The following LRRK1 variants were observed in gnomAD, a reference collection of about 807,000 sequenced individuals.
LRRK1 encodes leucine-rich repeat serine/threonine-protein kinase 1.
A neutral mutation model predicts 209.1 loss-of-function variants in LRRK1; 113 were observed. That is an observed-to-expected ratio of 0.54 (90% confidence interval 0.46 to 0.63). The LOEUF is 0.63. LRRK1 is among the 30% of genes least tolerant of loss of function. The pLI is 0.00. For synonymous variants in LRRK1, 1,144 were observed against 1,099.7 expected, an observed-to-expected ratio of 1.04 and a Z score of -0.80; for missense variants, 2,284 against 2,632.2, an observed-to-expected ratio of 0.87 and a Z score of 2.89.
chr15:100,924,865 A>G (rs2042082021), intron 2 of LRRK1, 136 bp downstream of exon 2: 9 of 603,772 alleles, frequency 1.5e-5, no homozygotes, highest in African/African-American at 9.3e-5. Flanking sequence ...CTCTTTCATC[A>G]TATAATATAT....
intron 2 of LRRK1, among the ~76,000 whole-genome samples, chr15:100,972,432 G>T (rs2030981178): frequency 2.7e-5 from 4 of 150,194 alleles, no homozygotes; most frequent in Admixed American, 2.7e-4. Context: ...TAAAGAGAAG[G>T]TTGGCAGTTT....
Position 101,022,732 on chromosome 15 carries a change from T to A in LRRK1, c.2067+135T>A. ...CTCAGGCCCTTTGCAGGAGCCACTG[T>A]GTACCATTCCATACCAGCTTCTGCC... On this transcript the variant is annotated intron_variant, in intron 15 of 33. Transcript: ENST00000388948. This position sits in a 1 kb window ranked among gnomAD's most constrained non-coding sequence, Gnocchi z 4.0. 3.3e-6 allele frequency: 2 copies of A among 609,834 alleles called. No homozygotes were observed. 37.8% of individuals were successfully genotyped at this position (609,834 alleles called of 1,614,324 possible).
chr15:100,941,073 C>T (rs1046937056), intron 2 of LRRK1, among the ~76,000 whole-genome samples: 4 of 152,160 alleles, frequency 2.6e-5, no homozygotes, highest in Admixed American at 2.0e-4. Context: ...TGAGCCTGTG[C>T]CCTTGGCTAC....
intron 29 of LRRK1, 81 bp from the exon 30 acceptor site, chr15:101,061,090 C>T (rs536363920): frequency 1.1e-4 from 116 of 1,054,556 alleles, no homozygotes; most frequent in Non-Finnish European, 1.4e-4. Flanking sequence ...AGACGAGGCT[C>T]GCAGCTGGCA....
intron 16 of LRRK1, 128 bp from the exon 17 acceptor site, chr15:101,025,837 G>C: frequency 1.1e-6 from 1 of 906,010 alleles, no homozygotes; most frequent in Non-Finnish European, 1.7e-6. Flanking sequence ...CCGTCTCAAG[G>C]CTGCAGATTG....
At chr15:100,938,953 C>G (rs1410214818) in intron 2 of LRRK1, among the ~76,000 whole-genome samples, 1 of 144,550 alleles carries the variant, frequency 6.9e-6, no homozygotes, top group Admixed American at 6.8e-5. Context: ...ACTAGCGAGG[C>G]ATGGTGGCGG....
chr15:100,992,651 G>GGTTTT (rs10616706), intron 6 of LRRK1, among the ~76,000 whole-genome samples: 2 of 151,798 alleles, frequency 1.3e-5, no homozygotes, highest in South Asian at 4.2e-4. Context: ...TTGTTTTTGG[G>GGTTTT]GTTTTGTTTT....
At chr15:100,956,410 TA>T (rs34551285) in intron 2 of LRRK1, among the ~76,000 whole-genome samples, 106,282 of 130,378 alleles carry the variant, frequency 0.82, 43,630 homozygotes, top group East Asian at 0.97. Flanking sequence ...ATTTGTCAAT[TA>T]AAAAAAAAAA....
chr15:100,947,220 G>T (rs2042557924), intron 2 of LRRK1, among the ~76,000 whole-genome samples: 1 of 152,262 alleles, frequency 6.6e-6, no homozygotes, highest in African/African-American at 2.4e-5. Flanking sequence ...GCCTCCCAAA[G>T]TGCTGGGATT....
chr15:100,973,409 T>A (rs1365750374), intron 2 of LRRK1, among the ~76,000 whole-genome samples: 1 of 152,148 alleles, frequency 6.6e-6, no homozygotes, highest in Non-Finnish European at 1.5e-5. Context: ...AGGTGGCCTG[T>A]CTTTCCCCCG....
At chr15:100,995,238 A>C (rs563287268) in intron 6 of LRRK1, among the ~76,000 whole-genome samples, 126 of 152,190 alleles carry the variant, frequency 8.3e-4, no homozygotes, top group African/African-American at 2.8e-3. Context: ...TTTTTAATGT[A>C]ATTGCTGCGT....
In LRRK1 at chr15:101,055,242, T is replaced by G. The variant is rs200705193; in HGVS notation, c.4332+19T>G. ...TGAGAAGGTACGTGCCTGGATCCCC[T>G]GGCCCAGCCCCACAGTGTAGGAGCC... is the stretch of plus-strand genomic sequence containing the variant. On this transcript the variant is annotated intron_variant, in intron 27 of 33. Transcript: ENST00000388948. The G allele has an allele frequency of 3.4e-4, 526 of 1,526,258 alleles. 2 individuals are homozygous for G. In the African/African-American group the frequency reaches 6.2e-3, roughly 18 times the overall value. The allele number at this position is 1,526,258 out of a possible 1,614,324, so 94.5% of individuals were successfully genotyped here.
chr15:101,025,952 T>C lies in LRRK1; in HGVS notation c.2233-13T>C, dbSNP rs369704933. The C allele has an allele frequency of 3.0e-5, 48 of 1,613,908 alleles. No homozygotes were observed. Among genetic ancestry groups the C allele is most frequent in the Non-Finnish European group, 3.6e-5 (43 of 1,179,972 alleles). ...ACAGAGACAGTACTCAGCCGTGGGG[T>C]TCTCTGTTGCAGGCCAAGGCCCCAA... On this transcript the variant is annotated splice_polypyrimidine_tract_variant and intron_variant, in intron 16 of 33. Coordinates refer to ENST00000388948, the MANE Select transcript of LRRK1 (RefSeq NM_024652.6).
intron 2 of LRRK1, among the ~76,000 whole-genome samples, chr15:100,942,108 C>A (rs1268215311): frequency 6.6e-6 from 1 of 152,234 alleles, no homozygotes; most frequent in Non-Finnish European, 1.5e-5. Context: ...CAGCCGGGCT[C>A]AGCCTACTGT....
At chr15:101,017,195 CA>C (rs1302006880) in intron 12 of LRRK1, among the ~76,000 whole-genome samples, 1 of 152,124 alleles carries the variant, frequency 6.6e-6, no homozygotes, top group Non-Finnish European at 1.5e-5. Context: ...TTGGCAAGTA[CA>C]GATAGTATGA....
chr15:101,051,721 C>T lies in LRRK1; in HGVS notation c.3450C>T (p.Ala1150=), dbSNP rs772998548. 1.2e-6 allele frequency: 2 copies of T among 1,613,776 alleles called. No individual in the cohort carries two copies. Among genetic ancestry groups the T allele is most frequent in the East Asian group, 4.5e-5 (2 of 44,882 alleles). The change falls in exon 24 of 34, where the codon GCC becomes GCT. Residue 1150 remains alanine, a synonymous_variant. Coordinates refer to ENST00000388948, the MANE Select transcript of LRRK1 (RefSeq NM_024652.6). ...LIDQWFPALT[A]TESDGTPLME... ...TCTGTCCTTATTTAGCCCTGACAGC[C>T]ACAGAGAGCGACGGGACGCCACTCA...
intron 29 of LRRK1, among the ~76,000 whole-genome samples, chr15:101,060,103 A>G (rs2036071062): frequency 6.6e-6 from 1 of 152,164 alleles, no homozygotes; most frequent in African/African-American, 2.4e-5. Flanking sequence ...CGGCCTGAAG[A>G]GAGACTCACT....
intron 30 of LRRK1, 138 bp from the exon 31 acceptor site, chr15:101,062,435 AC>A: frequency 1.5e-6 from 1 of 651,212 alleles, no homozygotes; most frequent in East Asian, 2.6e-5. Context: ...TAAACAACCC[AC>A]CAGAACGTGT....
At chr15:100,990,376 A>G (rs1354148343) in intron 6 of LRRK1, among the ~76,000 whole-genome samples, 1 of 151,680 alleles carries the variant, frequency 6.6e-6, no homozygotes, top group East Asian at 1.9e-4. Flanking sequence ...CTGATTTGCT[A>G]TGGTATGTTT....
Sources: gnomAD v4.1 joint callset for allele counts (sites outside exome capture counted in the v4.1 genomes callset) on GRCh38, gnomAD v4.1.1 for gene constraint, Gnocchi (gnomAD v3.1) non-coding constraint, MANE v1.5 for transcripts, NCBI Gene and HGNC (gene_info 2026-07-23, HGNC 2026-07-21) for gene names.